The following RFX3 variants were observed in gnomAD, a reference collection of about 807,000 sequenced individuals.
RFX3 encodes the protein regulatory factor X3, also known as transcription factor RFX3.
Under a neutral mutation model 98.6 loss-of-function variants are expected in RFX3, and 14 were observed. The ratio of observed to expected loss-of-function variants is 0.14; its 90% CI spans 0.09 to 0.22. The LOEUF (loss-of-function observed/expected upper bound fraction) is 0.22. Ranked by LOEUF, RFX3 falls within the 10% of genes least tolerant of loss-of-function variation. RFX3 has a pLI of 1.00. For missense variants in RFX3, 639 were observed against 926.9 expected (o/e 0.69, Z 4.03); for synonymous variants, 383 against 328.4 (o/e 1.17, Z -1.80).
At chr9:3,456,671 ATCTATTAAATATG>A (rs1275845698) in intron 1 of RFX3, among the ~76,000 whole-genome samples, 1 of 152,218 alleles carries the variant, frequency 6.6e-6, no homozygotes, top group Non-Finnish European at 1.5e-5. Context: ...TAATTTGGCC[ATCTATTAAATATG>A]TCATAAACAT....
rs536167112 is a variant in RFX3, at chr9:3,373,520, C to T, written c.117+21952G>A. Among the ~76,000 whole-genome samples, 9 of 152,250 alleles carry T rather than the reference C, an allele frequency of 5.9e-5. 1 individual carries two copies. The highest frequency in any genetic ancestry group is 5.9e-4 in the Admixed American group (9 of 15,292). ...CCTAATTGCCTGTGTGGCTGCACTT[C>T]ATTTCCCTGGGCCTCAGTTTCCTCA... On this transcript the variant is annotated intron_variant, in intron 2 of 16. Transcript: ENST00000617270.
intron 1 of RFX3, among the ~76,000 whole-genome samples, chr9:3,504,340 T>C (rs190304970): frequency 3.4e-5 from 4 of 117,762 alleles, no homozygotes; most frequent in Admixed American, 2.9e-4. Flanking sequence ...ATATATTATA[T>C]GCCACATAGC....
At chr9:3,252,191 G>A (rs1360189912) in intron 14 of RFX3, among the ~76,000 whole-genome samples, 1 of 152,140 alleles carries the variant, frequency 6.6e-6, no homozygotes, top group Non-Finnish European at 1.5e-5. Flanking sequence ...TTTTAGAAAT[G>A]CAAATTCAAC....
intron 4 of RFX3, among the ~76,000 whole-genome samples, chr9:3,328,606 C>T (rs926802245): frequency 6.6e-6 from 1 of 152,042 alleles, no homozygotes; most frequent in Non-Finnish European, 1.5e-5. Context: ...AGGAACTCTC[C>T]GCTCAGAACA....
intron 1 of RFX3, among the ~76,000 whole-genome samples, chr9:3,505,338 T>TAAAATA (rs745964528): frequency 1.5e-4 from 4 of 26,442 alleles, no homozygotes; most frequent in African/African-American, 9.2e-4. Context: ...ATATTTTATA[T>TAAAATA]AAATAAAATA....
chr9:3,228,435 T>A (rs530217501), intron 16 of RFX3, among the ~76,000 whole-genome samples: 1 of 152,316 alleles, frequency 6.6e-6, no homozygotes, highest in East Asian at 1.9e-4. Flanking sequence ...TCTGAGTTCT[T>A]TTTCTACACA....
At chr9:3,281,548 T>C (rs1825916698) in intron 7 of RFX3, among the ~76,000 whole-genome samples, 1 of 151,790 alleles carries the variant, frequency 6.6e-6, no homozygotes, top group Admixed American at 6.6e-5. Flanking sequence ...ACCTGTGCTT[T>C]ATCAAATAAT....
chr9:3,316,784 TAA>T (rs1302769648), intron 4 of RFX3, among the ~76,000 whole-genome samples: 2 of 152,032 alleles, frequency 1.3e-5, no homozygotes, highest in African/African-American at 4.8e-5. Flanking sequence ...TCAAAGAGAA[TAA>T]AATACCTAGG....
chr9:3,469,271 T>C (rs970529482), intron 1 of RFX3: 3 of 418,444 alleles, frequency 7.2e-6, no homozygotes, highest in East Asian at 7.2e-5. Flanking sequence ...TCTGTGTTCA[T>C]ATACTATTTC....
intron 2 of RFX3, 53 bp downstream of exon 2, chr9:3,395,419 C>G: frequency 2.5e-6 from 4 of 1,590,892 alleles, no homozygotes; most frequent in Non-Finnish European, 3.4e-6. Flanking sequence ...GTATGTTGGA[C>G]AGCCAACATA....
At chr9:3,396,722 T>G (rs1295385763) in intron 1 of RFX3, among the ~76,000 whole-genome samples, 1 of 152,208 alleles carries the variant, frequency 6.6e-6, no homozygotes, top group Non-Finnish European at 1.5e-5. Context: ...GACTTTTTAA[T>G]GATTGCCATT....
intron 3 of RFX3, among the ~76,000 whole-genome samples, chr9:3,342,462 T>A (rs1563956951): frequency 6.6e-6 from 1 of 152,138 alleles, no homozygotes; most frequent in Non-Finnish European, 1.5e-5. Context: ...AATGCATACT[T>A]TTGCATTTTA....
chr9:3,291,668 T>C (rs892043002), intron 6 of RFX3, among the ~76,000 whole-genome samples: 1 of 152,184 alleles, frequency 6.6e-6, no homozygotes, highest in Non-Finnish European at 1.5e-5. Context: ...TCTTTCGTTA[T>C]AGGGGTCCTA....
intron 4 of RFX3, among the ~76,000 whole-genome samples, chr9:3,311,769 A>G (rs1341397029): frequency 6.6e-6 from 1 of 152,136 alleles, no homozygotes; most frequent in Non-Finnish European, 1.5e-5. Context: ...CTGTTATCCC[A>G]GCTACTCGGG....
At chr9:3,397,759 C>A (rs981236473) in intron 1 of RFX3, among the ~76,000 whole-genome samples, 2 of 152,124 alleles carry the variant, frequency 1.3e-5, no homozygotes, top group African/African-American at 4.8e-5. Context: ...CTTGTACATG[C>A]AAAAGGTATA....
At chr9:3,333,749 C>T (rs1041579209) in intron 3 of RFX3, among the ~76,000 whole-genome samples, 5 of 152,154 alleles carry the variant, frequency 3.3e-5, no homozygotes, top group African/African-American at 9.6e-5. Flanking sequence ...TTGAGAGATG[C>T]GGGACATGGT....
chr9:3,396,253 A>G (rs1332243625), intron 1 of RFX3, among the ~76,000 whole-genome samples: 2 of 150,694 alleles, frequency 1.3e-5, no homozygotes. Context: ...ATGTGTTCTC[A>G]TTGTTCAATT....
At chr9:3,349,653 TA>T (rs1203796072) in intron 2 of RFX3, among the ~76,000 whole-genome samples, 2 of 152,118 alleles carry the variant, frequency 1.3e-5, no homozygotes, top group Non-Finnish European at 2.9e-5. Context: ...TTTTTCTCTA[TA>T]TCTTTTTAGA....
intron 9 of RFX3, 37 bp downstream of exon 9, chr9:3,275,463 C>T (rs1297642045): frequency 5.0e-6 from 6 of 1,192,084 alleles, no homozygotes; most frequent in Non-Finnish European, 7.5e-6. Flanking sequence ...TCTGGCAAAA[C>T]CTAGCATGTG....
Sources: allele counts gnomAD v4.1 joint callset (sites outside exome capture counted in the v4.1 genomes callset), GRCh38; gene constraint gnomAD v4.1.1; transcripts MANE v1.5; gene names NCBI Gene and HGNC (gene_info 2026-07-23, HGNC 2026-07-21).